HTN1: variants seen among roughly 807,000 people sequenced by gnomAD.
The protein encoded by HTN1 is histatin 1.
A neutral mutation model predicts 11.2 loss-of-function variants in HTN1; 18 were observed. That is an observed-to-expected ratio of 1.61 (90% CI 1.12 to 2.39). HTN1 has a LOEUF of 2.39. Among genes scored for constraint, HTN1 ranks in the 30% most tolerant of loss-of-function variants. HTN1 has a pLI of 0.00. For missense variants in HTN1, 80 were observed against 67.2 expected, an observed-to-expected ratio of 1.19 and a Z score of -0.67; for synonymous variants, 21 against 20.5, an observed-to-expected ratio of 1.02 and a Z score of -0.07.
At chr4:70,055,225 C>T (rs945322542) in intron 4 of HTN1, among the ~76,000 whole-genome samples, 3 of 151,854 alleles carry the variant, frequency 2.0e-5, no homozygotes, top group Non-Finnish European at 4.4e-5. Context: ...AGATTTGAAC[C>T]CTGGTTAGAG....
At chr4:70,051,718 A>T (rs979864988) in intron 1 of HTN1, among the ~76,000 whole-genome samples, 3 of 152,142 alleles carry the variant, frequency 2.0e-5, no homozygotes, top group African/African-American at 7.2e-5. Context: ...AAATAAACGA[A>T]TAAATAATAT....
intron 5 of HTN1, 95 bp downstream of exon 5, chr4:70,055,697 T>A (rs1022488378): frequency 1.6e-6 from 1 of 630,096 alleles, no homozygotes; most frequent in Non-Finnish European, 2.8e-6. Context: ...GTTTAAGAAA[T>A]GTAGCATGGG....
In HTN1 at chr4:70,054,336, T is replaced by A. The variant is rs1186339468; in HGVS notation, c.66T>A (p.His22Gln). ...TTTTTTCCAAGAGCGCTGATTCACA[T>A]GAAAAGGTAAGACATTTTCATTTAC... The part of the protein sequence containing the change: ...LMISMISADS[H>Q]EKRHHGYRRK... The change falls in exon 3 of 6, where the codon CAT becomes CAA. Residue 22 changes from histidine (H) to glutamine (Q), a missense_variant. Coordinates refer to ENST00000246896, the MANE Select transcript of HTN1 (RefSeq NM_002159.4). 18 of 1,523,408 alleles carry A rather than the reference T, an allele frequency of 1.2e-5. No individual in the cohort carries two copies. The African/African-American group carries it at 2.5e-4, about 21-fold the overall frequency. The allele number at this position is 1,523,408 out of a possible 1,614,324, so 94.4% of individuals were successfully genotyped here.
chr4:70,054,378 T>C, intron 3 of HTN1, 36 bp downstream of exon 3: 1 of 1,533,456 alleles, frequency 6.5e-7, no homozygotes, highest in Non-Finnish European at 8.9e-7. Context: ...ACTTGATAAA[T>C]AAACATATAT....
intron 1 of HTN1, among the ~76,000 whole-genome samples, chr4:70,052,009 C>A (rs1166597288): frequency 2.0e-5 from 3 of 152,052 alleles, no homozygotes; most frequent in East Asian, 3.8e-4. Context: ...AAATAAGTAA[C>A]CTGCTATACT....
intron 4 of HTN1, among the ~76,000 whole-genome samples, chr4:70,055,250 C>A (rs1480163043): frequency 1.3e-5 from 2 of 152,032 alleles, no homozygotes; most frequent in Non-Finnish European, 2.9e-5. Context: ...TACCTATAAT[C>A]AGTGTTTCCA....
At chr4:70,052,806 A>AG (rs1299841681) in intron 1 of HTN1, 5 of 296,550 alleles carry the variant, frequency 1.7e-5, no homozygotes, top group Non-Finnish European at 2.5e-5. Context: ...AAAAAAAAAA[A>AG]AGAAAGAAAA....
At chr4:70,057,655 GAC>G (rs1726077039) in intron 5 of HTN1, 1 of 151,978 alleles carries the variant, frequency 6.6e-6, no homozygotes, top group African/African-American at 2.4e-5. Context: ...TTTTCTAATC[GAC>G]AAATACATAT....
At chr4:70,058,218 C>A (rs1233405996) in intron 5 of HTN1, 1 of 151,978 alleles carries the variant, frequency 6.6e-6, no homozygotes, top group Non-Finnish European at 1.5e-5. Context: ...GATCTTTATC[C>A]TCCAGGTGTT....
intron 2 of HTN1, 46 bp downstream of exon 2, chr4:70,053,173 C>G (rs9790490): frequency 0.017 from 20,333 of 1,218,824 alleles, 245 homozygotes; most frequent in East Asian, 0.037. Context: ...CAGTACTTAT[C>G]CCAAGTGTCT....
At chr4:70,055,276 CA>C (rs1231078081) in intron 4 of HTN1, among the ~76,000 whole-genome samples, 4 of 151,908 alleles carry the variant, frequency 2.6e-5, no homozygotes, top group African/African-American at 9.7e-5. Context: ...GCTATTGTCA[CA>C]AAAATATCAG....
At chr4:70,055,455 C>G in intron 4 of HTN1, 43 bp from the exon 5 acceptor site, 6 of 1,359,992 alleles carry the variant, frequency 4.4e-6, no homozygotes, top group Non-Finnish European at 6.3e-6. Context: ...TATTGTCATT[C>G]TCTATTCTCT....
chr4:70,053,006 T>C (rs1298358484), intron 1 of HTN1, 58 bp from the exon 2 acceptor site: 24 of 1,034,076 alleles, frequency 2.3e-5, no homozygotes, highest in Non-Finnish European at 3.5e-5. Context: ...CAATAGAAGT[T>C]TGATGAATGA....
chr4:70,054,494 C>A, intron 4 of HTN1, 44 bp downstream of exon 4: 1 of 1,238,888 alleles, frequency 8.1e-7, no homozygotes, highest in Non-Finnish European at 1.2e-6. Flanking sequence ...AAATTTTCCT[C>A]TCTGACTATT....
At chr4:70,056,890 A>T (rs1267265133) in intron 5 of HTN1, 1 of 152,144 alleles carries the variant, frequency 6.6e-6, no homozygotes, top group East Asian at 1.9e-4. Context: ...GAAACAATAG[A>T]TGCAGGTGAT....
chr4:70,053,632 A>C (rs1725955659), intron 2 of HTN1, among the ~76,000 whole-genome samples: 2 of 152,154 alleles, frequency 1.3e-5, no homozygotes, highest in Non-Finnish European at 2.9e-5. Flanking sequence ...CATATTTATT[A>C]AGTGTCATGA....
intron 1 of HTN1, among the ~76,000 whole-genome samples, chr4:70,052,131 T>A (rs1354779001): frequency 6.6e-6 from 1 of 152,184 alleles, no homozygotes; most frequent in Non-Finnish European, 1.5e-5. Context: ...AAATATTGAA[T>A]AATCTTCACC....
chr4:70,058,559 T>C (rs746746907), intron 5 of HTN1, 21 bp from the exon 6 acceptor site: 13 of 152,226 alleles, frequency 8.5e-5, no homozygotes, highest in African/African-American at 1.2e-4. Context: ...AGATAAAGTG[T>C]TATTTTCTTT....
intron 4 of HTN1, among the ~76,000 whole-genome samples, chr4:70,054,706 G>C (rs909492308): frequency 1.2e-4 from 18 of 152,058 alleles, no homozygotes; most frequent in Non-Finnish European, 1.9e-4. Flanking sequence ...TCTTTGTCCT[G>C]TAAATAATTT....
Sources: gnomAD v4.1 joint callset for allele counts (sites outside exome capture counted in the v4.1 genomes callset) on GRCh38, gnomAD v4.1.1 for gene constraint, MANE v1.5 for transcripts, NCBI Gene and HGNC (gene_info 2026-07-23, HGNC 2026-07-21) for gene names.